Variants in OR6K6 observed in about 807,000 individuals in gnomAD.
The protein encoded by OR6K6 is olfactory receptor family 6 subfamily K member 6.
OR6K6 carries 9 observed loss-of-function variants against 8.1 expected under a neutral mutation model. That is an observed-to-expected ratio of 1.11 (90% CI 0.67 to 1.94). OR6K6 has a LOEUF of 1.94. Among genes scored for constraint, OR6K6 ranks in the 30% most tolerant of loss-of-function variants. The probability of loss-of-function intolerance (pLI) is 0.00; values close to 1 mark genes in which losing one functional copy is unlikely to be tolerated. For synonymous variants in OR6K6, 156 were observed against 140.3 expected (o/e 1.11, Z -0.79); for missense variants, 400 against 383.1 (o/e 1.04, Z -0.37).
At chr1:158,754,784 G>T in exon 1 of OR6K6, 1 of 1,497,434 alleles carries the variant, frequency 6.7e-7, no homozygotes, top group African/African-American at 1.4e-5. Context: ...CAGGATTCCA[G>T]AATCAGCTTG....
chr1:158,754,873 T>C lies in OR6K6; in HGVS notation c.-15T>C, dbSNP rs745807584. The stretch of plus-strand genomic sequence containing the variant: ...CAATTATAGGAGTCTCTTGTTTCCT[T>C]TTCTGTGTTCACAGATGACACAGTT... On this transcript the variant is annotated 5_prime_UTR_variant, in exon 1 of 1. Transcript: ENST00000641861. The C allele has an allele frequency of 3.1e-6, 5 of 1,613,866 alleles. No homozygotes were observed. The South Asian group carries it at 4.4e-5, about 14-fold the overall frequency.
chr1:158,755,037 C>A, exon 1 of OR6K6: 2 of 1,614,120 alleles, frequency 1.2e-6, no homozygotes, highest in Non-Finnish European at 1.7e-6. Context: ...TAATAATGTT[C>A]ATTGTCATCC....
In OR6K6 at chr1:158,755,748, T is replaced by C. The variant is rs146287264; in HGVS notation, c.861T>C (p.Phe287=). The C allele has an allele frequency of 5.0e-6, 8 of 1,614,032 alleles. No homozygotes were observed. The African/African-American group carries it at 6.7e-5, about 13-fold the overall frequency. The change falls in exon 1 of 1, where the codon TTT becomes TTC. Residue 287 remains phenylalanine (F), a synonymous_variant. Coordinates refer to ENST00000641861, the Ensembl canonical transcript of OR6K6. Reference sequence around the variant, plus strand: ...TCACTTTTGTTATCCTTGCTCCCTTTTTCAACCCCATCATCTATAGCCTGA... The same window carrying C: ...TCACTTTTGTTATCCTTGCTCCCTTCTTCAACCCCATCATCTATAGCCTGA...
At position 158,755,577 on chromosome 1, in the gene OR6K6, A is replaced by G. The variant is rs370719764; in HGVS notation, c.690A>G (p.Gly230=). The stretch of plus-strand genomic sequence containing the variant: ...TCCGGATTATTATAGTGATTCTGGG[A>G]ATGCACTCAGCTGAAGGTCATCACA... Residue 230 remains glycine, a synonymous_variant, in exon 1 of 1, where the codon GGA becomes GGG. Transcript: ENST00000641861. 2.5e-6 allele frequency: 4 copies of G among 1,614,026 alleles called. No individual in the cohort carries two copies. In the African/African-American group the frequency reaches 5.3e-5, roughly 22 times the overall value.
At chr1:158,755,263 A>C (rs1378441745) in exon 1 of OR6K6, 2 of 1,613,958 alleles carry the variant, frequency 1.2e-6, no homozygotes, top group African/African-American at 2.7e-5. Flanking sequence ...GGCCATTGAC[A>C]GGTACATAGC....
chr1:158,755,887 C>A (rs774353770), exon 1 of OR6K6: 2 of 1,338,782 alleles, frequency 1.5e-6, no homozygotes, highest in Non-Finnish European at 2.1e-6. Context: ...CTTGGAAGAG[C>A]AAAATTTCAC....
At chr1:158,755,643 G>T (rs751876595) in exon 1 of OR6K6, 1 of 1,614,186 alleles carries the variant, frequency 6.2e-7, no homozygotes, top group Non-Finnish European at 8.5e-7. Flanking sequence ...CTGTGTTCTT[G>T]CTATTTTTTG....
chr1:158,755,198 A>G lies in OR6K6; in HGVS notation c.311A>G (p.Gln104Arg), dbSNP rs74122455. 21,885 of 1,613,872 alleles carry G rather than the reference A, an allele frequency of 0.014. 2,450 individuals are homozygous for G. The African/African-American group carries it at 0.25, about 18-fold the overall frequency. The change falls in exon 1 of 1, where the codon CAG becomes CGG. Residue 104 changes from glutamine (Q) to arginine (R), a missense_variant. By Grantham distance (43) the Gln-to-Arg change is conservative. Transcript: ENST00000641861. ...ATTTCCGTGGCTGGCTGCCTCCTGC[A>G]GATGTACTTTTTCCACTCACTTGGT...
At chr1:158,755,222 G>A (rs1483657774) in exon 1 of OR6K6, 1 of 1,613,874 alleles carries the variant, frequency 6.2e-7, no homozygotes, top group Non-Finnish European at 8.5e-7. Flanking sequence ...CACTCACTTG[G>A]TATCACAGAA....
exon 1 of OR6K6, chr1:158,754,913 A>G: frequency 1.2e-6 from 2 of 1,614,078 alleles, no homozygotes; most frequent in East Asian, 4.5e-5. Context: ...GCCAGTGGGA[A>G]TCAGACAATG....
chr1:158,755,379 T>A, exon 1 of OR6K6: 1 of 1,614,210 alleles, frequency 6.2e-7, no homozygotes, highest in Non-Finnish European at 8.5e-7. Flanking sequence ...TTCCTGAGAT[T>A]GCATGGATTT....
chr1:158,755,393 C>T (rs377139064), exon 1 of OR6K6: 3 of 1,614,076 alleles, frequency 1.9e-6, no homozygotes, highest in Non-Finnish European at 2.5e-6. Flanking sequence ...TGGATTTCCA[C>T]CTTGCCTTTC....
chr1:158,754,845 T>C (rs753055974), exon 1 of OR6K6: 1 of 1,612,030 alleles, frequency 6.2e-7, no homozygotes, highest in South Asian at 1.1e-5. Flanking sequence ...GTAATCAACA[T>C]TCCAATTATA....
At chr1:158,755,287 C>T (rs759147877) in exon 1 of OR6K6, 4 of 1,614,168 alleles carry the variant, frequency 2.5e-6, no homozygotes, top group Non-Finnish European at 3.4e-6. Context: ...CTGCAATCCA[C>T]TCCGTTACCC....
chr1:158,755,095 C>T, exon 1 of OR6K6: 5 of 1,614,186 alleles, frequency 3.1e-6, no homozygotes, highest in Non-Finnish European at 4.2e-6. Flanking sequence ...TATCAGTGTC[C>T]TCTCCTTCCT....
At chr1:158,755,039 T>C (rs751511093) in exon 1 of OR6K6, 2 of 1,614,180 alleles carry the variant, frequency 1.2e-6, no homozygotes, top group Admixed American at 1.7e-5. Context: ...ATAATGTTCA[T>C]TGTCATCCAG....
exon 1 of OR6K6, chr1:158,755,364 T>A: frequency 1.2e-6 from 2 of 1,614,212 alleles, no homozygotes; most frequent in Admixed American, 3.3e-5. Context: ...GCTTCCTCCT[T>A]GTGCTTCCTG....
exon 1 of OR6K6, chr1:158,755,110 A>T: frequency 6.2e-7 from 1 of 1,614,058 alleles, no homozygotes; most frequent in Non-Finnish European, 8.5e-7. Flanking sequence ...CTTCCTGGAG[A>T]TCTGCTATAC....
At chr1:158,755,220 T>C (rs765552066) in exon 1 of OR6K6, 289 of 1,613,982 alleles carry the variant, frequency 1.8e-4, no homozygotes, top group Non-Finnish European at 2.4e-4. Flanking sequence ...TCCACTCACT[T>C]GGTATCACAG....
Sources: gnomAD v4.1 joint callset for allele counts on GRCh38, gnomAD v4.1.1 for gene constraint, MANE v1.5 for transcripts, NCBI Gene and HGNC (gene_info 2026-07-23, HGNC 2026-07-21) for gene names.